TBCA: variants seen among roughly 807,000 people sequenced by gnomAD.
The protein encoded by TBCA is tubulin-specific chaperone A.
Under a neutral mutation model 15.8 loss-of-function variants are expected in TBCA, and 6 were observed. The ratio of observed to expected loss-of-function variants is 0.38; its 90% confidence interval spans 0.21 to 0.75. TBCA has a LOEUF of 0.75. Ranked by LOEUF, TBCA falls within the 30% of genes least tolerant of loss-of-function variation. The pLI, the probability that TBCA is intolerant of heterozygous loss-of-function variation, is 0.46. For synonymous variants in TBCA, 32 were observed against 42.3 expected, an observed-to-expected ratio of 0.76 and a Z score of 0.94; for missense variants, 90 against 131.2, an observed-to-expected ratio of 0.69 and a Z score of 1.53.
chr5:77,771,485 C>T (rs1197980245), intron 1 of TBCA, among the ~76,000 whole-genome samples: 1 of 152,180 alleles, frequency 6.6e-6, no homozygotes. Context: ...TTGCCATTTA[C>T]TGTACAAGGT....
At chr5:77,761,027 G>A (rs1747617271) in intron 1 of TBCA, among the ~76,000 whole-genome samples, 1 of 151,778 alleles carries the variant, frequency 6.6e-6, no homozygotes, top group South Asian at 2.1e-4. Context: ...GAGCACCTCT[G>A]CCCGGCTGCC....
chr5:77,713,953 T>C (rs1746339166), intron 1 of TBCA, among the ~76,000 whole-genome samples: 2 of 145,848 alleles, frequency 1.4e-5, no homozygotes, highest in South Asian at 4.3e-4. Context: ...AGAAAAGCAA[T>C]CTTAACTGAA....
intron 1 of TBCA, among the ~76,000 whole-genome samples, chr5:77,773,210 CCCTT>C (rs1262658384): frequency 1.3e-5 from 2 of 152,190 alleles, no homozygotes; most frequent in East Asian, 3.8e-4. Flanking sequence ...CATCTCAATT[CCCTT>C]CCTATTACCA....
chr5:77,768,873 A>G (rs993468963), intron 1 of TBCA, among the ~76,000 whole-genome samples: 15 of 152,242 alleles, frequency 9.9e-5, no homozygotes, highest in African/African-American at 3.4e-4. Flanking sequence ...AGAGTTTTAG[A>G]CTGCCATTAT....
At chr5:77,758,358 G>A (rs1747525918) in intron 1 of TBCA, among the ~76,000 whole-genome samples, 1 of 152,150 alleles carries the variant, frequency 6.6e-6, no homozygotes, top group Admixed American at 6.5e-5. Context: ...TCCAGGCATT[G>A]TAAAGAAGAA....
At chr5:77,737,338 T>C (rs556147487) in intron 1 of TBCA, among the ~76,000 whole-genome samples, 3 of 152,332 alleles carry the variant, frequency 2.0e-5, no homozygotes, top group African/African-American at 7.2e-5. Flanking sequence ...CTAGTGATTG[T>C]TTTCCAGCTA....
chr5:77,726,442 T>C (rs1003563749), intron 1 of TBCA, among the ~76,000 whole-genome samples: 1 of 152,180 alleles, frequency 6.6e-6, no homozygotes, highest in East Asian at 1.9e-4. Flanking sequence ...TTTTGAGCTT[T>C]AAGGAGAAAA....
chr5:77,726,021 T>C (rs1282601105), intron 1 of TBCA, among the ~76,000 whole-genome samples: 1 of 152,132 alleles, frequency 6.6e-6, no homozygotes, highest in East Asian at 1.9e-4. Flanking sequence ...CTCTGGAAAA[T>C]GGAAAAAAGA....
At chr5:77,741,275 T>A (rs1023957779) in intron 1 of TBCA, among the ~76,000 whole-genome samples, 1 of 152,152 alleles carries the variant, frequency 6.6e-6, no homozygotes, top group African/African-American at 2.4e-5. Flanking sequence ...AAGATAAAAG[T>A]GACTTCACCA....
At chr5:77,698,315 T>C (rs1243122303) in intron 2 of TBCA, among the ~76,000 whole-genome samples, 2 of 151,990 alleles carry the variant, frequency 1.3e-5, no homozygotes, top group East Asian at 1.9e-4. Context: ...ATAATATAAA[T>C]GATGTTATAA....
At chr5:77,697,879 T>C (rs999462155) in intron 2 of TBCA, among the ~76,000 whole-genome samples, 6 of 151,968 alleles carry the variant, frequency 3.9e-5, no homozygotes, top group Admixed American at 6.6e-5. Context: ...CCTGTAATCC[T>C]AACACTTTGG....
chr5:77,711,038 G>T (rs931206702), intron 1 of TBCA, among the ~76,000 whole-genome samples: 2 of 152,132 alleles, frequency 1.3e-5, no homozygotes, highest in African/African-American at 4.8e-5. Context: ...TTAAACAGGG[G>T]TAGGCAAACT....
intron 2 of TBCA, chr5:77,693,670 A>T (rs2112418056): frequency 3.5e-6 from 1 of 283,432 alleles, no homozygotes; most frequent in South Asian, 3.4e-5. Context: ...GTGGTGGAGC[A>T]TGCCTGTAAT....
At chr5:77,742,494 T>C (rs1220556298) in intron 1 of TBCA, among the ~76,000 whole-genome samples, 2 of 152,148 alleles carry the variant, frequency 1.3e-5, no homozygotes, top group Admixed American at 1.3e-4. Context: ...TAATTAAAAA[T>C]TACATAAAGT....
chr5:77,724,286 G>C (rs567815847), intron 1 of TBCA, among the ~76,000 whole-genome samples: 52 of 152,094 alleles, frequency 3.4e-4, no homozygotes, highest in South Asian at 1.9e-3. Context: ...TCTCCAAAGA[G>C]ATATAATAAT....
intron 1 of TBCA, among the ~76,000 whole-genome samples, chr5:77,726,800 C>CA (rs1746639068): frequency 1.3e-5 from 2 of 152,092 alleles, no homozygotes; most frequent in Admixed American, 1.3e-4. Flanking sequence ...GCTGCAAACT[C>CA]AGTGTTTCAT....
At chr5:77,769,890 G>A (rs1408325580) in intron 1 of TBCA, among the ~76,000 whole-genome samples, 2 of 152,186 alleles carry the variant, frequency 1.3e-5, no homozygotes, top group Non-Finnish European at 2.9e-5. Flanking sequence ...ATGGGCCAAT[G>A]TCAGTGCTAT....
chr5:77,717,729 G>A (rs558838519), intron 1 of TBCA, among the ~76,000 whole-genome samples: 2 of 152,284 alleles, frequency 1.3e-5, no homozygotes, highest in South Asian at 2.1e-4. Context: ...CTACTCGGGA[G>A]GCTGAGGCAG....
At chr5:77,744,484 A>G (rs1747130202) in intron 1 of TBCA, among the ~76,000 whole-genome samples, 1 of 151,100 alleles carries the variant, frequency 6.6e-6, no homozygotes, top group Non-Finnish European at 1.5e-5. Flanking sequence ...TCTGTCCTTA[A>G]CTACAGGACT....
Sources: allele counts gnomAD v4.1 joint callset (sites outside exome capture counted in the v4.1 genomes callset), GRCh38; gene constraint gnomAD v4.1.1; transcripts MANE v1.5; gene names NCBI Gene and HGNC (gene_info 2026-07-23, HGNC 2026-07-21).